DNAJA1: variants seen among roughly 807,000 people sequenced by gnomAD.
DNAJA1 encodes the protein dnaJ homolog subfamily A member 1.
In DNAJA1, 26 loss-of-function variants were observed where a neutral mutation model predicts 47.6. That is an observed-to-expected ratio of 0.55 (90% CI 0.40 to 0.76). The LOEUF is 0.76. Ranked by LOEUF, DNAJA1 falls within the 30% of genes least tolerant of loss-of-function variation. The pLI is 0.00. For missense variants in DNAJA1, 315 were observed against 485.0 expected, an observed-to-expected ratio of 0.65 and a Z score of 3.29; for synonymous variants, 165 against 158.4, an observed-to-expected ratio of 1.04 and a Z score of -0.31.
chr9:33,038,655 C>G, intron 8 of DNAJA1, 30 bp from the exon 9 acceptor site: 1 of 1,597,360 alleles, frequency 6.3e-7, no homozygotes, highest in Non-Finnish European at 8.6e-7. Context: ...ATGATGAAAT[C>G]AGATTGAACA....
chr9:33,037,090 A>C lies in DNAJA1; in HGVS notation c.950A>C (p.Lys317Thr). 6.2e-7 allele frequency: 1 copy of C among 1,613,966 alleles called. No homozygotes were observed. Among genetic ancestry groups the C allele is most frequent in the Non-Finnish European group, 8.5e-7 (1 of 1,179,916 alleles). Residue 317 changes from lysine to threonine, a missense_variant, in exon 8 of 9, where the codon AAG (lysine) becomes ACG (threonine). By Grantham distance (78) the Lys-to-Thr change is moderately conservative. Coordinates refer to ENST00000330899, the MANE Select transcript of DNAJA1 (RefSeq NM_001539.4). Reference sequence around the variant, plus strand: ...CCAATTTATCGTAGACCATATGAAAAGGGTCGCCTAATCATCGAATTTAAG... The same window carrying C: ...CCAATTTATCGTAGACCATATGAAACGGGTCGCCTAATCATCGAATTTAAG... ...GMPIYRRPYE[K>T]GRLIIEFKVN...
intron 7 of DNAJA1, 149 bp from the exon 8 acceptor site, chr9:33,036,866 G>T: frequency 1.2e-6 from 1 of 830,010 alleles, no homozygotes. Flanking sequence ...TCAGCCCTTG[G>T]AAAACCCATA....
intron 5 of DNAJA1, among the ~76,000 whole-genome samples, chr9:33,031,458 G>A (rs1232664400): frequency 1.3e-5 from 2 of 152,070 alleles, no homozygotes; most frequent in Non-Finnish European, 2.9e-5. Context: ...CTGAGGTAGA[G>A]TCTTGCTCTG....
rs766223098 is a variant in DNAJA1, at chr9:33,036,555, T to C, written c.759-19T>C. The C allele has an allele frequency of 1.0e-5, 15 of 1,506,550 alleles. No homozygotes were observed. The highest frequency in any genetic ancestry group is 1.7e-4 in the Middle Eastern group (1 of 5,796). 93.3% of individuals were successfully genotyped at this position (1,506,550 alleles called of 1,614,324 possible). On this transcript the variant is annotated intron_variant, in intron 6 of 8. Transcript: ENST00000330899. ...ATTCGTGATTTGAAAAATATAAATA[T>C]GTGTCATATTTTATGCAGACGAGGA...
intron 6 of DNAJA1, 112 bp from the exon 7 acceptor site, chr9:33,036,462 G>C: frequency 1.7e-6 from 1 of 604,682 alleles, no homozygotes; most frequent in Non-Finnish European, 2.9e-6. Flanking sequence ...GGGAAGAAAA[G>C]GGTGTCTTTG....
At chr9:33,036,925 A>G (rs1839043974) in intron 7 of DNAJA1, 90 bp from the exon 8 acceptor site, 3 of 1,199,674 alleles carry the variant, frequency 2.5e-6, no homozygotes, top group South Asian at 3.0e-5. Context: ...ACTCCTGCCA[A>G]TGAGCTAGGA....
chr9:33,027,951 G>C (rs1000398217), intron 3 of DNAJA1, among the ~76,000 whole-genome samples: 3 of 149,578 alleles, frequency 2.0e-5, no homozygotes. Flanking sequence ...CTTGAACCCG[G>C]GAGGTGGAGG....
chr9:33,026,033 T>G (rs1838830989), intron 1 of DNAJA1, among the ~76,000 whole-genome samples: 1 of 151,876 alleles, frequency 6.6e-6, no homozygotes, highest in South Asian at 2.1e-4. Context: ...TATAAACCAC[T>G]CCCCCCCACC....
At chr9:33,038,655 C>T (rs760362507) in intron 8 of DNAJA1, 30 bp from the exon 9 acceptor site, 25 of 1,597,242 alleles carry the variant, frequency 1.6e-5, no homozygotes, top group Non-Finnish European at 1.8e-5. Context: ...ATGATGAAAT[C>T]AGATTGAACA....
intron 6 of DNAJA1, among the ~76,000 whole-genome samples, chr9:33,034,580 T>C (rs1042519300): frequency 5.9e-5 from 9 of 152,108 alleles, no homozygotes; most frequent in Admixed American, 5.2e-4. Flanking sequence ...AAGCAGCAGA[T>C]GGGTGGGGAA....
intron 3 of DNAJA1, among the ~76,000 whole-genome samples, chr9:33,029,227 C>T (rs931168955): frequency 1.3e-5 from 2 of 152,190 alleles, no homozygotes; most frequent in African/African-American, 2.4e-5. Flanking sequence ...GTGGCTGCTA[C>T]GTTGGACAGA....
chr9:33,026,981 GA>G lies in DNAJA1; in HGVS notation c.304del (p.Arg102GlyfsTer12). On this transcript the variant is annotated frameshift_variant, in exon 3 of 9. Coordinates refer to ENST00000330899, the MANE Select transcript of DNAJA1 (RefSeq NM_001539.4). LOFTEE classifies it high-confidence loss of function. ...FFGGGGRMQR[E>X]RRGKNVVHQL... ...TGGAGGAGGAGGAAGGATGCAGAGA[GA>G]AAGGAGAGGTAAGAAGAATCTAGTC... is the stretch of plus-strand genomic sequence containing the variant. 1 of 1,614,144 alleles carries G rather than the reference GA, an allele frequency of 6.2e-7. No homozygotes were observed. The highest frequency in any genetic ancestry group is 8.5e-7 in the Non-Finnish European group (1 of 1,180,030).
intron 1 of DNAJA1, among the ~76,000 whole-genome samples, chr9:33,026,251 C>T (rs1280115319): frequency 6.6e-6 from 1 of 152,226 alleles, no homozygotes; most frequent in African/African-American, 2.4e-5. Context: ...TTGGAACCAG[C>T]TGCTAGAAGG....
Position 33,039,240 on chromosome 9 carries a change from T to C in DNAJA1, c.*337T>C, listed in dbSNP as rs1839081913. 4.2e-6 allele frequency: 1 copy of C among 238,322 alleles called. No individual in the cohort carries two copies. Among genetic ancestry groups the C allele is most frequent in the African/African-American group, 2.3e-5 (1 of 43,810 alleles). 14.8% of individuals were successfully genotyped at this position (238,322 alleles called of 1,614,324 possible). A position where few individuals can be genotyped will look rare whatever the true frequency, so the allele number is the denominator to read the frequency against. On this transcript the variant is annotated 3_prime_UTR_variant, in exon 9 of 9. Coordinates refer to ENST00000330899, the MANE Select transcript of DNAJA1 (RefSeq NM_001539.4). Reference sequence around the variant, plus strand: ...AGGTATATGTATTGGCTTCAGTGTATGACCCTTCATTGTTAAGCTATGAAA... The same window carrying C: ...AGGTATATGTATTGGCTTCAGTGTACGACCCTTCATTGTTAAGCTATGAAA...
At chr9:33,035,032 C>T (rs562720644) in intron 6 of DNAJA1, among the ~76,000 whole-genome samples, 1 of 144,668 alleles carries the variant, frequency 6.9e-6, no homozygotes, top group Non-Finnish European at 1.5e-5. Flanking sequence ...ACAGTAAGAA[C>T]CCACCTTTTT....
chr9:33,026,024 A>G (rs746313227), intron 1 of DNAJA1, among the ~76,000 whole-genome samples: 3 of 152,168 alleles, frequency 2.0e-5, no homozygotes, highest in Non-Finnish European at 2.9e-5. Context: ...AACCTGTTCT[A>G]TAAACCACTC....
intron 6 of DNAJA1, chr9:33,036,282 T>A: frequency 6.8e-6 from 1 of 147,790 alleles, no homozygotes; most frequent in Non-Finnish European, 1.5e-5. Context: ...TTTTTTCCCC[T>A]CTGAGAAACC....
At chr9:33,035,839 C>G (rs1035275109) in intron 6 of DNAJA1, among the ~76,000 whole-genome samples, 3 of 152,068 alleles carry the variant, frequency 2.0e-5, no homozygotes, top group Admixed American at 6.6e-5. Context: ...GGGCTGTTAA[C>G]GTTAAATATG....
At chr9:33,031,265 G>A (rs1437589347) in intron 5 of DNAJA1, among the ~76,000 whole-genome samples, 1 of 151,982 alleles carries the variant, frequency 6.6e-6, no homozygotes, top group Non-Finnish European at 1.5e-5. Context: ...CCCGGCTAAT[G>A]TTTTGTATTT....
Sources: gnomAD v4.1 joint callset for allele counts (sites outside exome capture counted in the v4.1 genomes callset) on GRCh38, gnomAD v4.1.1 for gene constraint, MANE v1.5 for transcripts, NCBI Gene and HGNC (gene_info 2026-07-23, HGNC 2026-07-21) for gene names.